The following G3BP1 variants were observed in gnomAD, a reference collection of about 807,000 sequenced individuals.
The protein encoded by G3BP1 is ras GTPase-activating protein-binding protein 1.
Under a neutral mutation model 58.6 loss-of-function variants are expected in G3BP1, and 35 were observed. That is an observed-to-expected ratio of 0.60 (90% CI 0.46 to 0.79). The LOEUF is 0.79. Ranked by LOEUF, G3BP1 falls within the 30% of genes least tolerant of loss-of-function variation. The pLI, the probability that G3BP1 is intolerant of heterozygous loss-of-function variation, is 0.00. For synonymous variants in G3BP1, 191 were observed against 195.4 expected (o/e 0.98, Z 0.19); for missense variants, 523 against 580.8 (o/e 0.90, Z 1.02).
At chr5:151,802,812 A>C (rs555977347) in intron 11 of G3BP1, among the ~76,000 whole-genome samples, 4 of 152,340 alleles carry the variant, frequency 2.6e-5, no homozygotes, top group Admixed American at 2.6e-4. Flanking sequence ...GGACGCCTGT[A>C]GTCCCAGCTA....
chr5:151,774,998 G>T (rs1241177604), intron 1 of G3BP1, among the ~76,000 whole-genome samples: 1 of 152,184 alleles, frequency 6.6e-6, no homozygotes, highest in Non-Finnish European at 1.5e-5. Context: ...TGCAAGCCAG[G>T]TGATAGGGTT....
At position 151,799,314 on chromosome 5, in the gene G3BP1, G is replaced by C. The variant is rs1165341897; in HGVS notation, c.843+1G>C. On this transcript the variant is annotated splice_donor_variant, in intron 8 of 11. Transcript: ENST00000356245. LOFTEE classifies it high-confidence loss of function. ...TGTTGTTAAAGTACCAGCTTCACAG[G>C]TAAGGTCCTAATAAAACTTGTACAT... 1 of 1,460,856 alleles carries C rather than the reference G, an allele frequency of 6.8e-7. No individual in the cohort carries two copies. Among genetic ancestry groups the C allele is most frequent in the Non-Finnish European group, 9.6e-7 (1 of 1,040,224 alleles). 90.5% of individuals were successfully genotyped at this position (1,460,856 alleles called of 1,614,324 possible).
intron 2 of G3BP1, chr5:151,786,974 C>G: frequency 4.1e-6 from 1 of 244,246 alleles, no homozygotes. Context: ...TCCTGAGTAG[C>G]TGGGACCACA....
At chr5:151,794,302 C>G in intron 5 of G3BP1, 53 bp downstream of exon 5, 2 of 951,816 alleles carry the variant, frequency 2.1e-6, no homozygotes, top group Non-Finnish European at 3.5e-6. Flanking sequence ...TAATGGCATC[C>G]GATTGCCCTT....
At chr5:151,787,017 A>ATTTTTTTTT (rs1184904343) in intron 2 of G3BP1, 1 of 116,376 alleles carries the variant, frequency 8.6e-6, no homozygotes, top group African/African-American at 3.1e-5. Context: ...TAATTTTTGT[A>ATTTTTTTTT]TTTTTTTTTT....
At chr5:151,792,061 TC>T (rs1267436572) in intron 4 of G3BP1, 84 of 456,266 alleles carry the variant, frequency 1.8e-4, no homozygotes, top group African/African-American at 1.5e-3. Context: ...CTTGCACTGT[TC>T]CTGGCCCAGT....
intron 2 of G3BP1, chr5:151,787,336 C>A (rs1762570151): frequency 6.6e-6 from 1 of 152,224 alleles, no homozygotes; most frequent in African/African-American, 2.4e-5. Context: ...ATGACTGTTC[C>A]TGTAATACCA....
At chr5:151,800,514 A>G (rs1367224659) in intron 10 of G3BP1, among the ~76,000 whole-genome samples, 168 bp downstream of exon 10, 1 of 152,202 alleles carries the variant, frequency 6.6e-6, no homozygotes, top group African/African-American at 2.4e-5. Context: ...AACTTAAGGC[A>G]TTGTCATTTC....
At chr5:151,789,528 CTT>C (rs1043031624) in intron 2 of G3BP1, among the ~76,000 whole-genome samples, 46 of 152,280 alleles carry the variant, frequency 3.0e-4, no homozygotes, top group African/African-American at 1.1e-3. Flanking sequence ...GAGGAATTGA[CTT>C]TGACATTCTT....
At chr5:151,800,691 G>A in intron 10 of G3BP1, 69 bp from the exon 11 acceptor site, 1 of 940,514 alleles carries the variant, frequency 1.1e-6, no homozygotes, top group Non-Finnish European at 1.8e-6. Context: ...CTACTGTATT[G>A]GACTGTGTAC....
chr5:151,792,724 C>G (rs1762681051), intron 4 of G3BP1, among the ~76,000 whole-genome samples: 2 of 152,114 alleles, frequency 1.3e-5, no homozygotes, highest in South Asian at 4.1e-4. Flanking sequence ...CCACCTGAGC[C>G]TCCTAAGTAG....
At chr5:151,791,145 C>A in intron 4 of G3BP1, 83 bp downstream of exon 4, 2 of 1,180,698 alleles carry the variant, frequency 1.7e-6, no homozygotes, top group Non-Finnish European at 2.5e-6. Context: ...TTTAAAAACA[C>A]TTGAAATTTC....
rs538632835 is a variant in G3BP1 at position 151,801,356 on chromosome 5, C to G, written c.1194+487C>G. 4.6e-5 allele frequency among the ~76,000 whole-genome samples: 7 copies of G among 152,324 alleles called. No homozygotes were observed. The South Asian group carries it at 1.2e-3, about 27-fold the overall frequency. Reference sequence around the variant, plus strand: ...TGGAACCATCCTTACTAACAGTACTCTTACTCTGTACGTTCTAATAATAGA... The same window carrying G: ...TGGAACCATCCTTACTAACAGTACTGTTACTCTGTACGTTCTAATAATAGA... On this transcript the variant is annotated intron_variant, in intron 11 of 11. Transcript: ENST00000356245.
In G3BP1 at chr5:151,804,255, C is replaced by T. The variant is rs1762906980; in HGVS notation, c.*164C>T. On this transcript the variant is annotated 3_prime_UTR_variant, in exon 12 of 12. Transcript: ENST00000356245. ...TGTTAATGGTGTGTGCTCCCTCTCC[C>T]TCTCTTCCCTTTCCTGACCTTTAGT... 4 of 436,860 alleles carry T rather than the reference C, an allele frequency of 9.2e-6. No individual in the cohort carries two copies. The highest frequency in any genetic ancestry group is 6.1e-5 in the African/African-American group (3 of 49,258). 27.1% of individuals were successfully genotyped at this position (436,860 alleles called of 1,614,324 possible).
chr5:151,795,620 C>A (rs1197260723), intron 6 of G3BP1, 45 bp downstream of exon 6: 1 of 901,280 alleles, frequency 1.1e-6, no homozygotes, highest in Non-Finnish European at 1.8e-6. Context: ...TAAGAACTTG[C>A]ATTGTCTAGT....
intron 6 of G3BP1, 90 bp from the exon 7 acceptor site, chr5:151,797,135 CTG>C (rs1762765904): frequency 1.6e-6 from 2 of 1,244,946 alleles, no homozygotes; most frequent in Non-Finnish European, 2.3e-6. Flanking sequence ...GGAGCTAACT[CTG>C]TGTTCTGGTT....
intron 1 of G3BP1, among the ~76,000 whole-genome samples, chr5:151,773,560 A>C (rs2113210343): frequency 6.6e-6 from 1 of 152,344 alleles, no homozygotes; most frequent in Admixed American, 6.5e-5. Flanking sequence ...GATTATTTAA[A>C]AGCCAACATA....
At chr5:151,788,201 G>T (rs947092381) in intron 2 of G3BP1, among the ~76,000 whole-genome samples, 4 of 151,310 alleles carry the variant, frequency 2.6e-5, no homozygotes, top group Non-Finnish European at 4.4e-5. Flanking sequence ...GGTGTAATTG[G>T]GTTTTTTTTT....
chr5:151,774,604 G>C (rs192798258), intron 1 of G3BP1, among the ~76,000 whole-genome samples: 1 of 150,736 alleles, frequency 6.6e-6, no homozygotes, highest in East Asian at 1.9e-4. Flanking sequence ...TTAACTTTCA[G>C]AATTTAAATA....
Sources: allele counts gnomAD v4.1 joint callset (sites outside exome capture counted in the v4.1 genomes callset), GRCh38; gene constraint gnomAD v4.1.1; transcripts MANE v1.5; gene names NCBI Gene and HGNC (gene_info 2026-07-23, HGNC 2026-07-21).